The following MARCHF1 variants were observed in gnomAD, a reference collection of about 807,000 sequenced individuals.
MARCHF1 encodes the protein membrane associated ring-CH-type finger 1, also known as E3 ubiquitin-protein ligase MARCHF1.
MARCHF1 carries 40 observed loss-of-function variants against 54.2 expected under a neutral mutation model. The ratio of observed to expected loss-of-function variants is 0.74; its 90% CI spans 0.57 to 0.96. The LOEUF (loss-of-function observed/expected upper bound fraction) is 0.96, where lower values mean the gene tolerates loss of function less well. MARCHF1 is among the 40% of genes least tolerant of loss of function. MARCHF1 has a pLI of 0.00. For synonymous variants in MARCHF1, 236 were observed against 236.3 expected (o/e 1.00, Z 0.01); for missense variants, 586 against 656.5 (o/e 0.89, Z 1.17).
chr4:163,811,970 C>T (rs148245304), intron 4 of MARCHF1, among the ~76,000 whole-genome samples: 1 of 152,160 alleles, frequency 6.6e-6, no homozygotes, highest in Non-Finnish European at 1.5e-5. Flanking sequence ...ATGACTCTCC[C>T]CAATGTGGTG....
At chr4:163,666,842 A>G (rs1743551868) in intron 5 of MARCHF1, among the ~76,000 whole-genome samples, 1 of 152,122 alleles carries the variant, frequency 6.6e-6, no homozygotes, top group Non-Finnish European at 1.5e-5. Context: ...ACAAAGGTAA[A>G]TAGAAATGAC....
intron 3 of MARCHF1, among the ~76,000 whole-genome samples, chr4:163,967,629 G>T (rs577719359): frequency 1.3e-5 from 2 of 152,190 alleles, no homozygotes; most frequent in South Asian, 4.2e-4. Flanking sequence ...CTTAGTCAGG[G>T]CTCTCCAGAG....
chr4:164,205,990 A>C (rs1396198724), intron 1 of MARCHF1, among the ~76,000 whole-genome samples: 1 of 152,172 alleles, frequency 6.6e-6, no homozygotes, highest in Non-Finnish European at 1.5e-5. Context: ...AACAAAAACT[A>C]CATTCAAAAA....
intron 4 of MARCHF1, among the ~76,000 whole-genome samples, chr4:163,822,131 T>G (rs1429685328): frequency 6.6e-6 from 1 of 151,934 alleles, no homozygotes; most frequent in Non-Finnish European, 1.5e-5. Flanking sequence ...GACACATAAT[T>G]TGCCATTTGA....
chr4:163,527,825 A>C lies in MARCHF1; in HGVS notation c.*923T>G, dbSNP rs1469404246. 7.0e-6 allele frequency: 1 copy of C among 142,794 alleles called. No homozygotes were observed. Among genetic ancestry groups the C allele is most frequent in the Admixed American group, 7.9e-5 (1 of 12,680 alleles). 8.8% of individuals were successfully genotyped at this position (142,794 alleles called of 1,614,324 possible). ...AGAAACAGATGTAAACTATCAATCA[A>C]TCAATCAATTTTTTATATTGATGAC... On this transcript the variant is annotated 3_prime_UTR_variant, in exon 10 of 10. Transcript: ENST00000514618.
chr4:163,557,651 C>T (rs899398971), intron 8 of MARCHF1, among the ~76,000 whole-genome samples: 1 of 152,160 alleles, frequency 6.6e-6, no homozygotes, highest in Admixed American at 6.5e-5. Flanking sequence ...TCTTTAATAG[C>T]CTGTCGTTTT....
chr4:163,898,018 G>A (rs555621672), intron 3 of MARCHF1, among the ~76,000 whole-genome samples: 16 of 126,754 alleles, frequency 1.3e-4, no homozygotes, highest in Admixed American at 4.3e-4. Flanking sequence ...CCAAGATCGC[G>A]CCACTGCACT....
At chr4:163,607,081 G>A (rs1361196691) in intron 7 of MARCHF1, among the ~76,000 whole-genome samples, 1 of 152,088 alleles carries the variant, frequency 6.6e-6, no homozygotes, top group East Asian at 1.9e-4. Context: ...ACTCCTCACA[G>A]AGAAGGAGAG....
intron 1 of MARCHF1, among the ~76,000 whole-genome samples, chr4:164,205,295 T>C (rs762859169): frequency 3.9e-5 from 6 of 152,162 alleles, no homozygotes; most frequent in Admixed American, 2.6e-4. Flanking sequence ...TGCAAAGAAC[T>C]TTACTTATTT....
At chr4:164,351,040 C>T (rs57353914) in intron 1 of MARCHF1, among the ~76,000 whole-genome samples, 64,312 of 150,968 alleles carry the variant, frequency 0.43, 14,441 homozygotes, top group Non-Finnish European at 0.5. Flanking sequence ...CACCCGAATA[C>T]TGCGCTTTTC....
chr4:163,844,734 T>C (rs1320003745), intron 4 of MARCHF1, among the ~76,000 whole-genome samples: 1 of 152,196 alleles, frequency 6.6e-6, no homozygotes, highest in African/African-American at 2.4e-5. Context: ...TGTTCCATGA[T>C]AACAGACAGC....
chr4:163,563,667 C>T lies in MARCHF1; in HGVS notation c.1192-17924G>A, dbSNP rs145701178. Among the ~76,000 whole-genome samples the T allele has an allele frequency of 2.6e-4, 39 of 152,262 alleles. No individual in the cohort carries two copies. The South Asian group carries it at 7.3e-3, about 28-fold the overall frequency. ...GAAGATTTATTTAGTCTGTCTAAGC[C>T]TCAGTTTTCTCATTTGTGACACTAT... On this transcript the variant is annotated intron_variant, in intron 8 of 9. Transcript: ENST00000514618.
At chr4:163,605,807 C>G (rs1415989583) in intron 7 of MARCHF1, among the ~76,000 whole-genome samples, 2 of 152,014 alleles carry the variant, frequency 1.3e-5, no homozygotes, top group Admixed American at 6.6e-5. Flanking sequence ...AACACAGGAA[C>G]AGAAAACCAA....
chr4:163,832,408 T>C (rs1749052416), intron 4 of MARCHF1, among the ~76,000 whole-genome samples: 1 of 152,156 alleles, frequency 6.6e-6, no homozygotes, highest in Non-Finnish European at 1.5e-5. Flanking sequence ...TCCTCCACAA[T>C]GCATGTAATG....
At chr4:163,689,568 A>T (rs1744377759) in intron 5 of MARCHF1, among the ~76,000 whole-genome samples, 1 of 152,182 alleles carries the variant, frequency 6.6e-6, no homozygotes, top group South Asian at 2.1e-4. Flanking sequence ...TTAAATAGTC[A>T]CCTATGGCTA....
intron 1 of MARCHF1, among the ~76,000 whole-genome samples, chr4:164,218,053 C>T (rs940077419): frequency 8.6e-5 from 13 of 151,820 alleles, no homozygotes; most frequent in Admixed American, 2.0e-4. Context: ...AGGCAAGGCT[C>T]ACTAGATCAA....
chr4:164,276,108 C>T (rs549325869), intron 1 of MARCHF1, among the ~76,000 whole-genome samples: 1 of 152,102 alleles, frequency 6.6e-6, no homozygotes, highest in Non-Finnish European at 1.5e-5. Flanking sequence ...ACCTATTTTC[C>T]TCCTCCATTT....
At chr4:164,157,442 T>C (rs190280613) in intron 1 of MARCHF1, among the ~76,000 whole-genome samples, 9 of 152,328 alleles carry the variant, frequency 5.9e-5, no homozygotes, top group Admixed American at 3.9e-4. Flanking sequence ...AACTGTTCCT[T>C]ACATCTTGTT....
intron 1 of MARCHF1, among the ~76,000 whole-genome samples, chr4:164,287,494 C>T (rs1332499571): frequency 6.6e-6 from 1 of 152,146 alleles, no homozygotes; most frequent in African/African-American, 2.4e-5. Flanking sequence ...ACAAGGCATT[C>T]CTTACAATCA....
Sources: allele counts gnomAD v4.1 joint callset (sites outside exome capture counted in the v4.1 genomes callset), GRCh38; gene constraint gnomAD v4.1.1; transcripts MANE v1.5; gene names NCBI Gene and HGNC (gene_info 2026-07-23, HGNC 2026-07-21).